The following TDRD12 variants were observed in gnomAD, a reference collection of about 807,000 sequenced individuals.
The protein encoded by TDRD12 is putative ATP-dependent RNA helicase TDRD12.
A neutral mutation model predicts 133.5 loss-of-function variants in TDRD12; 158 were observed. The observed-to-expected ratio is 1.18, with a 90% CI of 1.04 to 1.35. The LOEUF (loss-of-function observed/expected upper bound fraction) is 1.35. TDRD12 is among the 40% of genes most tolerant of loss of function. The pLI is 0.00. For missense variants in TDRD12, 1,443 were observed against 1,321.3 expected (o/e 1.09, Z -1.43); for synonymous variants, 460 against 477.9 (o/e 0.96, Z 0.49).
chr19:32,733,322 T>G (rs1179200065), intron 2 of TDRD12, among the ~76,000 whole-genome samples: 3 of 151,800 alleles, frequency 2.0e-5, no homozygotes, highest in African/African-American at 4.8e-5. Flanking sequence ...TACAAAAAAT[T>G]AGCTGGGCGT....
At chr19:32,791,180 A>C in intron 13 of TDRD12, 112 bp downstream of exon 13, 1 of 1,188,260 alleles carries the variant, frequency 8.4e-7, no homozygotes, top group Non-Finnish European at 1.1e-6. Flanking sequence ...TTGCTTTTGA[A>C]ATTCTCTTTT....
chr19:32,731,985 T>G, intron 2 of TDRD12, 102 bp downstream of exon 2: 1 of 1,214,592 alleles, frequency 8.2e-7, no homozygotes, highest in Non-Finnish European at 1.1e-6. Flanking sequence ...AGTATTTTAG[T>G]TTCTTACACT....
At chr19:32,746,934 C>CTG (rs1251248823) in intron 4 of TDRD12, among the ~76,000 whole-genome samples, 20 of 73,240 alleles carry the variant, frequency 2.7e-4, no homozygotes, top group African/African-American at 1.3e-3. Flanking sequence ...TGTGGCTATT[C>CTG]TGTGAGAGAG....
Position 32,818,073 on chromosome 19 carries a change from G to C in TDRD12, c.3315-16G>C. ...ACATGATTATTTGCAAATGAAGTCT[G>C]CTCTGCTTTCTCCAGGCCGAGGGTG... On this transcript the variant is annotated splice_polypyrimidine_tract_variant and intron_variant, in intron 26 of 27. Transcript: ENST00000444215. 1.4e-6 allele frequency: 1 copy of C among 702,762 alleles called. No individual in the cohort carries two copies. The highest frequency in any genetic ancestry group is 2.7e-5 in the East Asian group (1 of 37,282). 43.5% of individuals were successfully genotyped at this position (702,762 alleles called of 1,614,324 possible).
chr19:32,742,159 C>CTTTT (rs10692209), intron 3 of TDRD12, among the ~76,000 whole-genome samples: 1 of 144,290 alleles, frequency 6.9e-6, no homozygotes, highest in Admixed American at 6.9e-5. Flanking sequence ...CCTTATTAGA[C>CTTTT]TTTTTTTTTT....
exon 1 of TDRD12, chr19:32,719,935 G>C: frequency 9.0e-7 from 1 of 1,110,978 alleles, no homozygotes; most frequent in Non-Finnish European, 1.3e-6. Flanking sequence ...CCTGCCGCGG[G>C]GGGCCCAGGC....
intron 8 of TDRD12, among the ~76,000 whole-genome samples, chr19:32,771,212 C>G (rs911306599): frequency 6.6e-6 from 1 of 152,120 alleles, no homozygotes; most frequent in Non-Finnish European, 1.5e-5. Flanking sequence ...ACTCTGTCAC[C>G]CAGGCTGGAG....
chr19:32,790,907 CT>C, intron 12 of TDRD12, 56 bp from the exon 13 acceptor site: 1 of 1,508,848 alleles, frequency 6.6e-7, no homozygotes, highest in Non-Finnish European at 8.8e-7. Flanking sequence ...AGTTCTTGAT[CT>C]CCTGTGCTGA....
intron 11 of TDRD12, among the ~76,000 whole-genome samples, chr19:32,780,403 T>C (rs1300671389): frequency 6.6e-6 from 1 of 152,214 alleles, no homozygotes; most frequent in East Asian, 1.9e-4. Context: ...TGCACATTCT[T>C]TGTGATACCA....
chr19:32,809,488 A>T (rs1966923535), intron 22 of TDRD12, among the ~76,000 whole-genome samples: 2 of 152,190 alleles, frequency 1.3e-5, no homozygotes, highest in Admixed American at 6.5e-5. Context: ...CACTCCTGGC[A>T]TCTGCTCTGG....
intron 26 of TDRD12, among the ~76,000 whole-genome samples, chr19:32,816,602 T>C (rs892373460): frequency 2.0e-5 from 3 of 152,252 alleles, no homozygotes; most frequent in African/African-American, 7.2e-5. Context: ...TTACCGTACA[T>C]GTCTTTTACA....
At chr19:32,730,635 C>A (rs1273702028) in intron 1 of TDRD12, among the ~76,000 whole-genome samples, 1 of 152,088 alleles carries the variant, frequency 6.6e-6, no homozygotes, top group Non-Finnish European at 1.5e-5. Flanking sequence ...TACCTGTATT[C>A]TTGCCACCTT....
downstream of TDRD12, among the ~76,000 whole-genome samples, chr19:32,823,979 T>C (rs79366570): frequency 5.9e-3 from 897 of 152,322 alleles, 9 homozygotes; most frequent in African/African-American, 0.02. Flanking sequence ...TTGGAGGACA[T>C]GCAGTTGTTT....
exon 8 of TDRD12, chr19:32,826,284 G>A (rs909232355): frequency 1.6e-5 from 23 of 1,450,228 alleles, no homozygotes; most frequent in South Asian, 8.8e-5. Context: ...AGAAGATGTC[G>A]TCATCTTAAA....
chr19:32,826,556 C>A (rs1967596458), exon 9 of TDRD12: 1 of 1,241,156 alleles, frequency 8.1e-7, no homozygotes. Context: ...TCACTCTGGC[C>A]AAAGAGAGAA....
chr19:32,771,817 A>G (rs1970450853), intron 8 of TDRD12, among the ~76,000 whole-genome samples: 4 of 152,220 alleles, frequency 2.6e-5, no homozygotes, highest in Admixed American at 2.0e-4. Flanking sequence ...AATTACTTTA[A>G]AGAAGGGTTA....
At chr19:32,796,981 C>CTTTTT (rs1157185010) in intron 14 of TDRD12, among the ~76,000 whole-genome samples, 1 of 135,312 alleles carries the variant, frequency 7.4e-6, no homozygotes, top group East Asian at 2.3e-4. Flanking sequence ...AGAGGTTCGT[C>CTTTTT]TTTTTTTTTT....
intron 26 of TDRD12, among the ~76,000 whole-genome samples, chr19:32,817,585 T>A (rs1967224420): frequency 6.6e-6 from 1 of 152,014 alleles, no homozygotes; most frequent in Admixed American, 6.6e-5. Flanking sequence ...AAATACCTGT[T>A]TGAGCCCCTG....
chr19:32,778,207 C>T (rs1970663627), intron 11 of TDRD12, among the ~76,000 whole-genome samples: 1 of 151,892 alleles, frequency 6.6e-6, no homozygotes, highest in Non-Finnish European at 1.5e-5. Context: ...CCCAGCTTCC[C>T]AGAGGCCATG....
Sources: allele counts gnomAD v4.1 joint callset (sites outside exome capture counted in the v4.1 genomes callset), GRCh38; gene constraint gnomAD v4.1.1; transcripts MANE v1.5; gene names NCBI Gene and HGNC (gene_info 2026-07-23, HGNC 2026-07-21).